The following ABAT variants were observed in gnomAD, a reference collection of about 807,000 sequenced individuals.
ABAT encodes the protein 4-aminobutyrate aminotransferase, also known as 4-aminobutyrate aminotransferase, mitochondrial.
A neutral mutation model predicts 64.6 loss-of-function variants in ABAT; 45 were observed. The observed-to-expected ratio is 0.70, with a 90% CI of 0.55 to 0.89. The LOEUF is 0.89. Ranked by LOEUF, ABAT falls within the 40% of genes least tolerant of loss-of-function variation. The pLI is 0.00. For synonymous variants in ABAT, 297 were observed against 250.5 expected, an observed-to-expected ratio of 1.19 and a Z score of -1.75; for missense variants, 633 against 658.4, an observed-to-expected ratio of 0.96 and a Z score of 0.42.
chr16:8,679,563 T>C (rs1194503636), intron 1 of ABAT, among the ~76,000 whole-genome samples: 2 of 148,352 alleles, frequency 1.3e-5, no homozygotes, highest in Admixed American at 6.7e-5. Flanking sequence ...GAGGCAATAG[T>C]AGAACCTCTC....
At chr16:8,679,436 G>A (rs570805159) in intron 1 of ABAT, among the ~76,000 whole-genome samples, 2 of 151,248 alleles carry the variant, frequency 1.3e-5, no homozygotes, top group South Asian at 2.1e-4. Context: ...TTCCACCCAC[G>A]TGATGACCTC....
At chr16:8,739,114 TG>T (rs1232704066) in intron 2 of ABAT, among the ~76,000 whole-genome samples, 1 of 152,228 alleles carries the variant, frequency 6.6e-6, no homozygotes, top group Non-Finnish European at 1.5e-5. Context: ...ACCTACTGCA[TG>T]CCAAGTGCTG....
chr16:8,758,393 G>T (rs531941574), intron 6 of ABAT, among the ~76,000 whole-genome samples: 32 of 152,164 alleles, frequency 2.1e-4, no homozygotes, highest in Admixed American at 3.9e-4. Flanking sequence ...GGCAGGCCAC[G>T]AGTCGGGAGG....
chr16:8,771,534 T>C (rs2060110200), intron 11 of ABAT, among the ~76,000 whole-genome samples: 2 of 149,660 alleles, frequency 1.3e-5, no homozygotes, highest in South Asian at 4.2e-4. Context: ...TGGCACGATA[T>C]CTCGGCTCAT....
intron 5 of ABAT, among the ~76,000 whole-genome samples, chr16:8,755,705 G>A (rs1022702674): frequency 6.6e-6 from 1 of 151,732 alleles, no homozygotes; most frequent in African/African-American, 2.4e-5. Context: ...GAGGGCAGGA[G>A]TTCAAGACGA....
chr16:8,705,234 C>T (rs2057912805), intron 1 of ABAT, among the ~76,000 whole-genome samples: 2 of 152,234 alleles, frequency 1.3e-5, no homozygotes, highest in African/African-American at 4.8e-5. Context: ...GAAGGGGAAG[C>T]AGGCACCTTC....
At chr16:8,740,936 G>C (rs2059145970) in intron 2 of ABAT, among the ~76,000 whole-genome samples, 1 of 152,252 alleles carries the variant, frequency 6.6e-6, no homozygotes, top group South Asian at 2.1e-4. Context: ...AGTTGGACTT[G>C]ACCTTCGTTC....
chr16:8,779,860 CCCTT>C (rs1240410249), intron 15 of ABAT, among the ~76,000 whole-genome samples: 1 of 152,174 alleles, frequency 6.6e-6, no homozygotes, highest in Non-Finnish European at 1.5e-5. Flanking sequence ...CCATCAGAGC[CCCTT>C]CCTTCAGGAA....
chr16:8,691,811 C>G (rs1002511328), intron 1 of ABAT, among the ~76,000 whole-genome samples: 2 of 152,198 alleles, frequency 1.3e-5, no homozygotes, highest in Admixed American at 1.3e-4. Context: ...AAGAATGCTA[C>G]TGGCATCTGG....
chr16:8,735,292 C>T (rs2058886537), intron 1 of ABAT, among the ~76,000 whole-genome samples: 1 of 151,726 alleles, frequency 6.6e-6, no homozygotes, highest in Non-Finnish European at 1.5e-5. Context: ...CACTTTGTCA[C>T]CCAGGCTGGA....
chr16:8,742,107 G>T (rs1016467234), intron 2 of ABAT, among the ~76,000 whole-genome samples: 1 of 152,166 alleles, frequency 6.6e-6, no homozygotes, highest in Non-Finnish European at 1.5e-5. Flanking sequence ...CCTGTCCTCA[G>T]CATTCCTGGC....
At position 8,748,771 on chromosome 16, in the gene ABAT, C is replaced by A. The variant is rs1217808738; in HGVS notation, c.198+634C>A. ...TAGTGGATTGACCCTTTATAATATT[C>A]TCTCTTTCTCTCTAGTAATATTTTT... On this transcript the variant is annotated intron_variant, in intron 4 of 15. Transcript: ENST00000268251. Among the ~76,000 whole-genome samples, 5 of 151,540 alleles carry A rather than the reference C, an allele frequency of 3.3e-5. No homozygotes were observed. The East Asian group carries it at 5.8e-4, about 18-fold the overall frequency.
Position 8,783,930 on chromosome 16 carries a change from C to G in ABAT, c.*2500C>G, listed in dbSNP as rs1243537180. On this transcript the variant is annotated 3_prime_UTR_variant, in exon 16 of 16. Transcript: ENST00000268251. ...TAAAAACTTTTAAGCCATTTATCAA[C>G]AAGTTCTTGTTGACTCAGGGCATAA... is the stretch of plus-strand genomic sequence containing the variant. 6.6e-6 allele frequency: 1 copy of G among 152,198 alleles called. No individual in the cohort carries two copies. Among genetic ancestry groups the G allele is most frequent in the Non-Finnish European group, 1.5e-5 (1 of 68,030 alleles). 9.4% of individuals were successfully genotyped at this position (152,198 alleles called of 1,614,324 possible). A position where few individuals can be genotyped will look rare whatever the true frequency, so the allele number is the denominator to read the frequency against.
chr16:8,686,213 G>A (rs2057452739), intron 1 of ABAT, among the ~76,000 whole-genome samples: 1 of 152,210 alleles, frequency 6.6e-6, no homozygotes, highest in African/African-American at 2.4e-5. Context: ...GCCGGTCTGG[G>A]GACAGGCTGA....
chr16:8,691,748 AC>A (rs1267753278), intron 1 of ABAT, among the ~76,000 whole-genome samples: 4 of 152,114 alleles, frequency 2.6e-5, no homozygotes, highest in African/African-American at 9.7e-5. Context: ...GTGCCAAGGG[AC>A]TTTTGGCAAG....
intron 6 of ABAT, among the ~76,000 whole-genome samples, chr16:8,758,157 A>G (rs555896024): frequency 5.3e-5 from 8 of 152,342 alleles, no homozygotes; most frequent in Non-Finnish European, 1.0e-4. Flanking sequence ...CTTTATAGCG[A>G]CAATATTGAC....
rs77696190 is a variant in ABAT, at chr16:8,735,794, C to A, written c.55C>A (p.Arg19Ser). 21 of 1,605,642 alleles carry A rather than the reference C, an allele frequency of 1.3e-5. No homozygotes were observed. The highest frequency in any genetic ancestry group is 1.7e-5 in the Non-Finnish European group (20 of 1,176,426). ...GGCCTGCAGCTTCCAGCACAGCTAC[C>A]GCCTGCTGGTGCCTGGTAAGCCCCG... ...RLACSFQHSY[R>S]LLVPGSRHIS... Residue 19 changes from arginine (R) to serine (S), a missense_variant, in exon 2 of 16, where the codon CGC becomes AGC. Transcript: ENST00000268251.
chr16:8,717,295 GTAATAA>G (rs970130395), intron 1 of ABAT, among the ~76,000 whole-genome samples: 3 of 152,010 alleles, frequency 2.0e-5, no homozygotes, highest in African/African-American at 4.8e-5. Flanking sequence ...CATCTCAAAA[GTAATAA>G]TAATAACTAT....
At chr16:8,710,711 A>G (rs1282571959) in intron 1 of ABAT, among the ~76,000 whole-genome samples, 1 of 133,144 alleles carries the variant, frequency 7.5e-6, no homozygotes, top group African/African-American at 2.7e-5. Context: ...AGAGAGAGAG[A>G]GAGAGAGAGA....
Sources: allele counts gnomAD v4.1 joint callset (sites outside exome capture counted in the v4.1 genomes callset), GRCh38; gene constraint gnomAD v4.1.1; transcripts MANE v1.5; gene names NCBI Gene and HGNC (gene_info 2026-07-23, HGNC 2026-07-21).